The following KCNIP4 variants were observed in gnomAD, a reference collection of about 807,000 sequenced individuals.
KCNIP4 encodes the protein Kv channel-interacting protein 4.
KCNIP4 carries 12 observed loss-of-function variants against 34.0 expected under a neutral mutation model. That is an observed-to-expected ratio of 0.35 (90% CI 0.23 to 0.57). KCNIP4 has a LOEUF of 0.57. Ranked by LOEUF, KCNIP4 falls within the 20% of genes least tolerant of loss-of-function variation. The pLI is 0.83. For synonymous variants in KCNIP4, 124 were observed against 102.2 expected, an observed-to-expected ratio of 1.21 and a Z score of -1.29; for missense variants, 238 against 311.7, an observed-to-expected ratio of 0.76 and a Z score of 1.78.
At chr4:21,655,980 C>G (rs57357160) in intron 1 of KCNIP4, among the ~76,000 whole-genome samples, 2,664 of 152,272 alleles carry the variant, frequency 0.017, 85 homozygotes, top group African/African-American at 0.061. Flanking sequence ...CTTTGAACTA[C>G]TTAATCTCTG....
intron 1 of KCNIP4, among the ~76,000 whole-genome samples, chr4:21,543,418 T>C (rs2109002672): frequency 6.6e-6 from 1 of 152,244 alleles, no homozygotes; most frequent in South Asian, 2.1e-4. Context: ...TTTAAGCATG[T>C]ATTTTTTTTT....
chr4:21,428,610 T>G (rs1726135527), intron 1 of KCNIP4, among the ~76,000 whole-genome samples: 1 of 152,138 alleles, frequency 6.6e-6, no homozygotes, highest in Non-Finnish European at 1.5e-5. Context: ...GCGATGCCCA[T>G]AGACGCAATT....
intron 1 of KCNIP4, among the ~76,000 whole-genome samples, chr4:21,940,298 A>G (rs1053495396): frequency 2.6e-5 from 4 of 152,144 alleles, no homozygotes; most frequent in Non-Finnish European, 5.9e-5. Flanking sequence ...GCTTTATTCT[A>G]TAGGTCCCCA....
At chr4:20,766,422 C>A (rs59893351) in intron 3 of KCNIP4, among the ~76,000 whole-genome samples, 15,089 of 152,064 alleles carry the variant, frequency 0.099, 1,083 homozygotes, top group African/African-American at 0.21. Flanking sequence ...AAAAATTAGC[C>A]AGGCGTGGTG....
intron 1 of KCNIP4, among the ~76,000 whole-genome samples, chr4:21,901,221 T>C (rs1727686636): frequency 6.6e-6 from 1 of 151,972 alleles, no homozygotes; most frequent in Non-Finnish European, 1.5e-5. Flanking sequence ...GGGGTGGGAG[T>C]AGTCTGGCTG....
chr4:21,751,406 T>C (rs1376177289), intron 1 of KCNIP4, among the ~76,000 whole-genome samples: 1 of 152,162 alleles, frequency 6.6e-6, no homozygotes, highest in Non-Finnish European at 1.5e-5. Flanking sequence ...TGTTTATGTA[T>C]ATACACATTC....
At chr4:21,250,586 A>G (rs1347284310) in intron 1 of KCNIP4, among the ~76,000 whole-genome samples, 1 of 152,144 alleles carries the variant, frequency 6.6e-6, no homozygotes, top group Non-Finnish European at 1.5e-5. Flanking sequence ...ACATAAAAAC[A>G]TATCTGGTCT....
intron 1 of KCNIP4, among the ~76,000 whole-genome samples, chr4:21,123,557 A>G (rs1750351609): frequency 6.6e-6 from 1 of 152,240 alleles, no homozygotes; most frequent in Non-Finnish European, 1.5e-5. Flanking sequence ...ATTAAATGTT[A>G]AAACAGAAAT....
intron 1 of KCNIP4, among the ~76,000 whole-genome samples, chr4:21,741,272 T>C (rs1190834859): frequency 3.9e-5 from 6 of 152,132 alleles, no homozygotes; most frequent in Non-Finnish European, 2.9e-5. Context: ...TTCTATGAAA[T>C]AAGTTGGTGC....
intron 1 of KCNIP4, among the ~76,000 whole-genome samples, chr4:21,354,477 A>T (rs1718360827): frequency 6.6e-6 from 1 of 151,294 alleles, no homozygotes; most frequent in Non-Finnish European, 1.5e-5. Flanking sequence ...ATAGAAAGCA[A>T]AAAAAGCATG....
intron 1 of KCNIP4, among the ~76,000 whole-genome samples, chr4:21,149,267 A>G (rs1463864085): frequency 2.0e-5 from 3 of 152,212 alleles, no homozygotes; most frequent in Non-Finnish European, 4.4e-5. Flanking sequence ...GTTTGTTAAA[A>G]TACTCCTATG....
At chr4:20,879,754 T>C (rs904298429) in intron 2 of KCNIP4, among the ~76,000 whole-genome samples, 1 of 152,204 alleles carries the variant, frequency 6.6e-6, no homozygotes, top group Non-Finnish European at 1.5e-5. Context: ...AGAAGAAATA[T>C]GTATGCTTTG....
intron 1 of KCNIP4, among the ~76,000 whole-genome samples, chr4:21,631,814 T>C (rs577631913): frequency 1.4e-4 from 22 of 152,322 alleles, no homozygotes; most frequent in Admixed American, 6.5e-4. Context: ...TAAGTGAAAA[T>C]TGATTTTCCT....
In KCNIP4 at chr4:21,252,133, T is replaced by TG. The variant is rs71189688; in HGVS notation, c.62-369425_62-369424insC. ...AAGTAACATGAATGAGGTTTTGTTT[T>TG]TTTTTTTTTTTTTGAGACAGAGTCT... On this transcript the variant is annotated intron_variant, in intron 1 of 8. Coordinates refer to ENST00000382152, the MANE Select transcript of KCNIP4 (RefSeq NM_025221.6). 4.4e-4 allele frequency among the ~76,000 whole-genome samples: 40 copies of TG among 90,656 alleles called. 1 individual carries two copies. Among genetic ancestry groups the TG allele is most frequent in the Admixed American group, 7.6e-4 (7 of 9,154 alleles). 59.5% of individuals were successfully genotyped at this position (90,656 alleles called of 152,430 possible).
intron 1 of KCNIP4, among the ~76,000 whole-genome samples, chr4:21,513,792 C>G (rs1734533858): frequency 6.6e-6 from 1 of 152,044 alleles, no homozygotes; most frequent in Non-Finnish European, 1.5e-5. Flanking sequence ...TAGATAACCA[C>G]AAGAGGAATG....
intron 3 of KCNIP4, among the ~76,000 whole-genome samples, chr4:20,762,394 A>G (rs914912992): frequency 6.6e-6 from 1 of 152,230 alleles, no homozygotes; most frequent in Non-Finnish European, 1.5e-5. Context: ...GCAAAGACCA[A>G]TAACTAAATA....
At chr4:21,662,859 G>T (rs149252693) in intron 1 of KCNIP4, among the ~76,000 whole-genome samples, 31 of 152,306 alleles carry the variant, frequency 2.0e-4, no homozygotes, top group African/African-American at 7.0e-4. Flanking sequence ...AATGGAAACT[G>T]AAACAGTGTT....
intron 1 of KCNIP4, among the ~76,000 whole-genome samples, chr4:21,417,504 T>C (rs1560385007): frequency 6.6e-6 from 1 of 152,178 alleles, no homozygotes; most frequent in Non-Finnish European, 1.5e-5. Flanking sequence ...ATGAGTTAGT[T>C]AAATAAAGTA....
At chr4:21,731,769 T>A (rs1301082105) in intron 1 of KCNIP4, among the ~76,000 whole-genome samples, 1 of 152,162 alleles carries the variant, frequency 6.6e-6, no homozygotes, top group Non-Finnish European at 1.5e-5. Flanking sequence ...CATGTGGTTA[T>A]CTATATAATA....
Sources: allele counts gnomAD v4.1 joint callset (sites outside exome capture counted in the v4.1 genomes callset), GRCh38; gene constraint gnomAD v4.1.1; transcripts MANE v1.5; gene names NCBI Gene and HGNC (gene_info 2026-07-23, HGNC 2026-07-21).